Variants in VSTM2A observed in about 807,000 individuals in gnomAD.
VSTM2A encodes the protein V-set and transmembrane domain-containing protein 2A.
In VSTM2A, 13 loss-of-function variants were observed where a neutral mutation model predicts 27.3. That is an observed-to-expected ratio of 0.48 (90% CI 0.31 to 0.76). The LOEUF (loss-of-function observed/expected upper bound fraction) is 0.76, where lower values mean the gene tolerates loss of function less well. Among genes scored for constraint, VSTM2A ranks in the 30% least tolerant of loss-of-function variants. VSTM2A has a pLI of 0.05. For synonymous variants in VSTM2A, 142 were observed against 125.7 expected (o/e 1.13, Z -0.87); for missense variants, 280 against 310.0 (o/e 0.90, Z 0.73).
intron 4 of VSTM2A, chr7:54,553,767 C>G: frequency 6.7e-7 from 1 of 1,491,710 alleles, no homozygotes; most frequent in Non-Finnish European, 9.0e-7. Context: ...GTTTAGGTCC[C>G]TCTTCGCAGA....
intron 2 of VSTM2A, 77 bp from the exon 3 acceptor site, chr7:54,546,870 G>T (rs983290261): frequency 1.6e-5 from 26 of 1,576,182 alleles, no homozygotes; most frequent in Non-Finnish European, 2.2e-5. Flanking sequence ...GCCCGGAGCC[G>T]CGAAGGCTAT....
rs1052125980 is a variant in VSTM2A, at chr7:54,570,225, A to T, written c.*1006A>T. On this transcript the variant is annotated 3_prime_UTR_variant, in exon 5 of 5. Coordinates refer to ENST00000402613, the MANE Select transcript of VSTM2A (RefSeq NM_001301009.2). ...TTTGAGAGTCTCTTGACTGTGAAGA[A>T]TGTACACTGTCTGGTTTTGACAGCT... is the stretch of plus-strand genomic sequence containing the variant. The T allele has an allele frequency of 6.6e-6, 1 of 152,232 alleles. No individual in the cohort carries two copies. Among genetic ancestry groups the T allele is most frequent in the East Asian group, 1.9e-4 (1 of 5,200 alleles). 9.4% of individuals were successfully genotyped at this position (152,232 alleles called of 1,614,324 possible).
chr7:54,559,996 ATTG>A (rs1322498465), intron 4 of VSTM2A: 1 of 152,154 alleles, frequency 6.6e-6, no homozygotes, highest in Admixed American at 6.5e-5. Context: ...TTAATTTTTT[ATTG>A]TTTTGCTTGT....
Position 54,555,503 on chromosome 7 carries a change from G to A in VSTM2A, c.634+5333G>A, listed in dbSNP as rs10254750. On this transcript the variant is annotated intron_variant, in intron 4 of 4. Transcript: ENST00000402613. ...CTATTTGCTGAGTTCCTACAAAAAT[G>A]CAAACTCCTTTGTTAAAGCTTTCTC... 4.4e-3 allele frequency among the ~76,000 whole-genome samples: 663 copies of A among 152,244 alleles called. 7 individuals are homozygous for A. Among genetic ancestry groups the A allele is most frequent in the African/African-American group, 0.015 (618 of 41,534 alleles).
intron 4 of VSTM2A, chr7:54,551,049 C>T (rs1455267835): frequency 6.6e-6 from 1 of 151,816 alleles, no homozygotes; most frequent in Non-Finnish European, 1.5e-5. Flanking sequence ...AATTACATTG[C>T]TAATATTTAA....
intron 4 of VSTM2A, chr7:54,559,118 T>C (rs1249362831): frequency 1.3e-5 from 2 of 151,976 alleles, no homozygotes; most frequent in Non-Finnish European, 2.9e-5. Context: ...ATGAATAAAA[T>C]TAAGATAAAA....
In VSTM2A at chr7:54,569,469, T is replaced by C; in HGVS notation, c.*250T>C. 1 of 532,040 alleles carries C rather than the reference T, an allele frequency of 1.9e-6. No homozygotes were observed. The highest frequency in any genetic ancestry group is 3.6e-5 in the East Asian group (1 of 27,994). The allele number at this position is 532,040 out of a possible 1,614,324, so 33.0% of individuals were successfully genotyped here. Reference sequence around the variant, plus strand: ...AGGGAATATTTACTATGGATACCACTAATTTCCTACTAAAGGACCCAGCAT... The same window carrying C: ...AGGGAATATTTACTATGGATACCACCAATTTCCTACTAAAGGACCCAGCAT... On this transcript the variant is annotated 3_prime_UTR_variant, in exon 5 of 5. Transcript: ENST00000402613.
intron 4 of VSTM2A, among the ~76,000 whole-genome samples, chr7:54,567,698 A>G (rs1788766982): frequency 6.6e-6 from 1 of 152,342 alleles, no homozygotes; most frequent in South Asian, 2.1e-4. Context: ...TCAATACCAG[A>G]CATACTTTGT....
At chr7:54,555,490 T>C (rs1788326403) in intron 4 of VSTM2A, among the ~76,000 whole-genome samples, 1 of 152,196 alleles carries the variant, frequency 6.6e-6, no homozygotes, top group South Asian at 2.1e-4. Flanking sequence ...ATTTGCTGAG[T>C]TCCTACAAAA....
chr7:54,563,397 TAA>T (rs1386335395), intron 4 of VSTM2A, among the ~76,000 whole-genome samples: 2 of 152,282 alleles, frequency 1.3e-5, no homozygotes, highest in East Asian at 3.9e-4. Context: ...AAAGAAATCG[TAA>T]GTGTTCAAAA....
intron 4 of VSTM2A, among the ~76,000 whole-genome samples, chr7:54,561,959 C>G (rs1333664711): frequency 6.6e-6 from 1 of 151,956 alleles, no homozygotes; most frequent in African/African-American, 2.4e-5. Context: ...GAGTCTCACT[C>G]TGTCACCCAG....
At chr7:54,546,863 CGG>C in intron 2 of VSTM2A, 82 bp from the exon 3 acceptor site, 2 of 1,550,174 alleles carry the variant, frequency 1.3e-6, no homozygotes, top group African/African-American at 1.4e-5. Context: ...CGGCCCTGCC[CGG>C]AGCCGCGAAG....
chr7:54,546,718 G>A, intron 2 of VSTM2A: 1 of 510,364 alleles, frequency 2.0e-6, no homozygotes, highest in South Asian at 2.6e-5. Context: ...CAGCCCCGGG[G>A]AAAGCGCGGG....
At position 54,542,735 on chromosome 7, in the gene VSTM2A, T is replaced by C. The variant is rs1327870431; in HGVS notation, c.5T>C (p.Met2Thr). 4 of 1,613,710 alleles carry C rather than the reference T, an allele frequency of 2.5e-6. No homozygotes were observed. Among genetic ancestry groups the C allele is most frequent in the Non-Finnish European group, 3.4e-6 (4 of 1,179,708 alleles). The change falls in exon 1 of 5, where the codon ATG (methionine) becomes ACG (threonine). Residue 2 changes from methionine to threonine, a missense_variant. Met to Thr is a moderately conservative substitution (Grantham distance 81, BLOSUM62 -1). Transcript: ENST00000402613. M[M>T]GIFLVYVGFV... ...TGACCCCCCTCCCTTTTTGGAATGA[T>C]GGGGATCTTTTTGGTGTATGTTGGA...
rs984689142 is a variant in VSTM2A at position 54,569,379 on chromosome 7, T to C, written c.*160T>C. 7.6e-7 allele frequency: 1 copy of C among 1,320,372 alleles called. No homozygotes were observed. Among genetic ancestry groups the C allele is most frequent in the Non-Finnish European group, 1.0e-6 (1 of 991,622 alleles). 81.8% of individuals were successfully genotyped at this position (1,320,372 alleles called of 1,614,324 possible). A position where few individuals can be genotyped will look rare whatever the true frequency, so the allele number is the denominator to read the frequency against. ...CTAATAGCAAGATCTATTTTTTCCC[T>C]TTTCTTTCGGCGACTAAAATCATCT... On this transcript the variant is annotated 3_prime_UTR_variant, in exon 5 of 5. Coordinates refer to ENST00000402613, the MANE Select transcript of VSTM2A (RefSeq NM_001301009.2).
At chr7:54,559,351 T>C (rs756789880) in intron 4 of VSTM2A, 1 of 152,168 alleles carries the variant, frequency 6.6e-6, no homozygotes, top group Non-Finnish European at 1.5e-5. Flanking sequence ...TGCTATGTTT[T>C]TGGATGGCCC....
chr7:54,564,854 A>G (rs576164422), intron 4 of VSTM2A, among the ~76,000 whole-genome samples: 2 of 9,660 alleles, frequency 2.1e-4, no homozygotes, highest in African/African-American at 2.0e-3. Flanking sequence ...ATGCTATGAA[A>G]AGTTCAAAAT....
intron 3 of VSTM2A, among the ~76,000 whole-genome samples, chr7:54,548,411 T>C (rs1041952391): frequency 1.4e-4 from 21 of 151,844 alleles, no homozygotes; most frequent in African/African-American, 5.1e-4. Context: ...AGTTATTAAC[T>C]TTGAATTCCC....
intron 2 of VSTM2A, 106 bp from the exon 3 acceptor site, chr7:54,546,841 A>T (rs879084268): frequency 1.1e-4 from 158 of 1,432,230 alleles, no homozygotes; most frequent in Non-Finnish European, 1.3e-4. Flanking sequence ...CCCTGTCCCC[A>T]GGTCACCCTG....
Sources: allele counts gnomAD v4.1 joint callset (sites outside exome capture counted in the v4.1 genomes callset), GRCh38; gene constraint gnomAD v4.1.1; transcripts MANE v1.5; gene names NCBI Gene and HGNC (gene_info 2026-07-23, HGNC 2026-07-21).